The following KCTD3 variants were observed in gnomAD, a reference collection of about 807,000 sequenced individuals.
The protein encoded by KCTD3 is potassium channel tetramerization domain containing 3, also known as BTB/POZ domain-containing protein KCTD3.
KCTD3 carries 41 observed loss-of-function variants against 85.8 expected under a neutral mutation model. The ratio of observed to expected loss-of-function variants is 0.48; its 90% CI spans 0.37 to 0.62. The LOEUF (loss-of-function observed/expected upper bound fraction) is 0.62. Ranked by LOEUF, KCTD3 falls within the 20% of genes least tolerant of loss-of-function variation. The probability of loss-of-function intolerance (pLI) is 0.00; values close to 1 mark genes in which losing one functional copy is unlikely to be tolerated. For synonymous variants in KCTD3, 338 were observed against 345.4 expected (o/e 0.98, Z 0.24); for missense variants, 724 against 989.9 (o/e 0.73, Z 3.60).
chr1:215,576,044 T>C, intron 4 of KCTD3, 70 bp downstream of exon 4: 1 of 871,796 alleles, frequency 1.1e-6, no homozygotes, highest in Non-Finnish European at 1.8e-6. Flanking sequence ...TTTTATGAAA[T>C]AAAAGGTTTT....
Position 215,567,433 on chromosome 1 carries a change from G to A in KCTD3, c.-253G>A. 1 of 235,710 alleles carries A rather than the reference G, an allele frequency of 4.2e-6. No homozygotes were observed. The highest frequency in any genetic ancestry group is 8.1e-6 in the Non-Finnish European group (1 of 123,822). 14.6% of individuals were successfully genotyped at this position (235,710 alleles called of 1,614,324 possible). A position where few individuals can be genotyped will look rare whatever the true frequency, so the allele number is the denominator to read the frequency against. On this transcript the variant is annotated 5_prime_UTR_variant, in exon 1 of 18. Coordinates refer to ENST00000259154, the MANE Select transcript of KCTD3 (RefSeq NM_016121.5). Reference sequence around the variant, plus strand: ...CACGGAGAAGAGGCCCGGGCGGCCCGGCGGCCTGGAGGCCGCGAAAGGTGG... The same window carrying A: ...CACGGAGAAGAGGCCCGGGCGGCCCAGCGGCCTGGAGGCCGCGAAAGGTGG...
chr1:215,615,817 A>C lies in KCTD3; in HGVS notation c.1563-3069A>C, dbSNP rs146274541. ...ATGAAGACCCAAAGACACAAGGAAA[A>C]GTGTCCATTTTTATGCTTAGGTTAG... is the stretch of plus-strand genomic sequence containing the variant. On this transcript the variant is annotated intron_variant, in intron 15 of 17. Coordinates refer to ENST00000259154, the MANE Select transcript of KCTD3 (RefSeq NM_016121.5). Among the ~76,000 whole-genome samples the C allele has an allele frequency of 8.5e-5, 13 of 152,278 alleles. No homozygotes were observed. In the East Asian group the frequency reaches 1.7e-3, roughly 20 times the overall value.
intron 15 of KCTD3, 102 bp from the exon 16 acceptor site, chr1:215,618,784 T>C (rs1302436492): frequency 3.5e-6 from 3 of 856,194 alleles, no homozygotes; most frequent in African/African-American, 3.4e-5. Context: ...TCTTTTCTAG[T>C]ATAACATGTT....
intron 15 of KCTD3, among the ~76,000 whole-genome samples, chr1:215,615,315 G>A (rs1655392856): frequency 6.6e-6 from 1 of 152,060 alleles, no homozygotes; most frequent in African/African-American, 2.4e-5. Context: ...TTAAATAAAG[G>A]AGTAGTTTTA....
rs1354097235 is a variant in KCTD3 at position 215,577,685 on chromosome 1, T to G, written c.273T>G (p.Asn91Lys). ...KELDLRGVSINVLRHEAEFYG... is the reference protein window; with the variant it reads ...KELDLRGVSIKVLRHEAEFYG... ...TTCTTTGTAGGGGAGTGAGTATTAATGTTCTCAGGCATGAAGCAGAATTTT... is the reference window on the plus strand; with the variant it reads ...TTCTTTGTAGGGGAGTGAGTATTAAGGTTCTCAGGCATGAAGCAGAATTTT... The change falls in exon 5 of 18, where the codon AAT (asparagine) becomes AAG (lysine). Residue 91 changes from asparagine (N) to lysine (K), a missense_variant. Asn to Lys is a moderately conservative substitution (Grantham distance 94). Around this residue, in one of 6 missense-constraint regions of KCTD3, gnomAD observed 97 missense variants for 115.7 expected, o/e 0.84. Coordinates refer to ENST00000259154, the MANE Select transcript of KCTD3 (RefSeq NM_016121.5). 1 of 1,593,388 alleles carries G rather than the reference T, an allele frequency of 6.3e-7. No homozygotes were observed. The highest frequency in any genetic ancestry group is 1.7e-5 in the Admixed American group (1 of 59,972).
intron 9 of KCTD3, among the ~76,000 whole-genome samples, chr1:215,592,153 C>T (rs955092732): frequency 1.3e-5 from 2 of 152,178 alleles, no homozygotes; most frequent in African/African-American, 4.8e-5. Context: ...TCTCACAACA[C>T]CTGGGAACTA....
intron 15 of KCTD3, among the ~76,000 whole-genome samples, 168 bp downstream of exon 15, chr1:215,612,089 G>C (rs1431975008): frequency 6.6e-6 from 1 of 152,160 alleles, no homozygotes; most frequent in Non-Finnish European, 1.5e-5. Flanking sequence ...TAGACTTTAT[G>C]CTTACTTTCT....
intron 6 of KCTD3, among the ~76,000 whole-genome samples, chr1:215,578,713 G>A (rs933916224): frequency 3.3e-5 from 5 of 152,102 alleles, no homozygotes; most frequent in African/African-American, 9.7e-5. Flanking sequence ...AAGAGTGGCT[G>A]GCAGACTGAA....
chr1:215,570,229 T>A (rs536806314), intron 1 of KCTD3, among the ~76,000 whole-genome samples: 1 of 149,976 alleles, frequency 6.7e-6, no homozygotes, highest in Non-Finnish European at 1.5e-5. Flanking sequence ...ATCGGTAAGG[T>A]CTTTTTTTTT....
rs1232845774 is a variant in KCTD3 at position 215,567,320 on chromosome 1, G to A, written c.-366G>A. 1.3e-5 allele frequency: 2 copies of A among 159,228 alleles called. No individual in the cohort carries two copies. The highest frequency in any genetic ancestry group is 2.7e-5 in the Non-Finnish European group (2 of 73,078). 9.9% of individuals were successfully genotyped at this position (159,228 alleles called of 1,614,324 possible). ...CTCCTCCTCATTCTAGGCGGCAGTG[G>A]CGGGCGAAGCGTGAGCGCTGCGGTA... On this transcript the variant is annotated 5_prime_UTR_variant, in exon 1 of 18. Coordinates refer to ENST00000259154, the MANE Select transcript of KCTD3 (RefSeq NM_016121.5).
intron 12 of KCTD3, 33 bp downstream of exon 12, chr1:215,602,234 CTT>C: frequency 1.0e-6 from 1 of 1,003,078 alleles, no homozygotes; most frequent in Non-Finnish European, 1.5e-6. Flanking sequence ...ACATTCTTGA[CTT>C]TTTATCTTTT....
chr1:215,610,723 A>G (rs1331820439), intron 14 of KCTD3, among the ~76,000 whole-genome samples: 2 of 152,042 alleles, frequency 1.3e-5, no homozygotes, highest in African/African-American at 4.8e-5. Context: ...CTTCCATCAT[A>G]TAGGACCTAT....
intron 1 of KCTD3, among the ~76,000 whole-genome samples, chr1:215,569,520 G>A (rs1659284005): frequency 6.6e-6 from 1 of 151,668 alleles, no homozygotes; most frequent in South Asian, 2.1e-4. Flanking sequence ...TTAATACTGA[G>A]TGAACTCTTA....
At chr1:215,596,066 C>A (rs902477599) in intron 10 of KCTD3, among the ~76,000 whole-genome samples, 1 of 151,996 alleles carries the variant, frequency 6.6e-6, no homozygotes, top group Non-Finnish European at 1.5e-5. Context: ...CAGTGGTGGT[C>A]GAGGTGGCAA....
intron 8 of KCTD3, among the ~76,000 whole-genome samples, chr1:215,583,841 T>C (rs1486574221): frequency 6.6e-6 from 1 of 152,192 alleles, no homozygotes; most frequent in African/African-American, 2.4e-5. Flanking sequence ...GTGAGAACTC[T>C]GATTTCTGAC....
chr1:215,602,265 G>T, intron 12 of KCTD3, 64 bp downstream of exon 12: 1 of 803,518 alleles, frequency 1.2e-6, no homozygotes, highest in Non-Finnish European at 2.1e-6. Context: ...AGTTTATTAT[G>T]TGACTAGGTC....
intron 15 of KCTD3, among the ~76,000 whole-genome samples, chr1:215,617,802 T>G (rs1052905741): frequency 6.8e-6 from 1 of 147,612 alleles, no homozygotes; most frequent in African/African-American, 2.5e-5. Flanking sequence ...TGTATATATA[T>G]AATACATATT....
chr1:215,583,502 G>A (rs775434552), intron 8 of KCTD3, among the ~76,000 whole-genome samples: 31 of 152,148 alleles, frequency 2.0e-4, no homozygotes, highest in Non-Finnish European at 3.5e-4. Flanking sequence ...TCTTTACTCC[G>A]TCCTGTTTTG....
At chr1:215,604,062 A>G in intron 12 of KCTD3, 70 bp from the exon 13 acceptor site, 1 of 1,182,122 alleles carries the variant, frequency 8.5e-7, no homozygotes, top group Non-Finnish European at 1.2e-6. Context: ...ATCATAGGGA[A>G]GCTTTGCGAG....
Sources: gnomAD v4.1 joint callset for allele counts (sites outside exome capture counted in the v4.1 genomes callset) on GRCh38, gnomAD v4.1.1 for gene constraint, gnomAD v4.1.1 regional missense constraint, MANE v1.5 for transcripts, NCBI Gene and HGNC (gene_info 2026-07-23, HGNC 2026-07-21) for gene names.